The following LNPK variants were observed in gnomAD, a reference collection of about 807,000 sequenced individuals.
The protein encoded by LNPK is endoplasmic reticulum junction formation protein lunapark.
Under a neutral mutation model 55.2 loss-of-function variants are expected in LNPK, and 29 were observed. The ratio of observed to expected loss-of-function variants is 0.53; its 90% confidence interval spans 0.39 to 0.72. The LOEUF (loss-of-function observed/expected upper bound fraction) is 0.72, where lower values mean the gene tolerates loss of function less well. LNPK is among the 30% of genes least tolerant of loss of function. LNPK has a pLI of 0.00. For missense variants in LNPK, 467 were observed against 494.8 expected (o/e 0.94, Z 0.53); for synonymous variants, 162 against 168.2 (o/e 0.96, Z 0.29).
rs1202387875 is a variant in LNPK at position 175,928,088 on chromosome 2, CAG to C, written c.*1877_*1878del. On this transcript the variant is annotated 3_prime_UTR_variant, in exon 13 of 13. Coordinates refer to ENST00000272748, the MANE Select transcript of LNPK (RefSeq NM_030650.3). Reference sequence around the variant, plus strand: ...TTATTTTTAAAAAGTTTATATTCCACAGAGTTTCAGTTTCCTATTTCCTTAAT... The same window carrying C: ...TTATTTTTAAAAAGTTTATATTCCACAGTTTCAGTTTCCTATTTCCTTAAT... 1.3e-5 allele frequency: 2 copies of C among 152,264 alleles called. No individual in the cohort carries two copies. Among genetic ancestry groups the C allele is most frequent in the East Asian group, 1.9e-4 (1 of 5,182 alleles). 9.4% of individuals were successfully genotyped at this position (152,264 alleles called of 1,614,324 possible).
Position 175,929,028 on chromosome 2 carries a change from A to G in LNPK, c.*939T>C. On this transcript the variant is annotated 3_prime_UTR_variant, in exon 13 of 13. Transcript: ENST00000272748. The stretch of plus-strand genomic sequence containing the variant: ...TAAGCAGAATCTACAGATTTATTGT[A>G]TTGTGAGCTATTCCTCCTAAGATTT... 1.5e-6 allele frequency: 1 copy of G among 678,822 alleles called. No individual in the cohort carries two copies. 42.0% of individuals were successfully genotyped at this position (678,822 alleles called of 1,614,324 possible).
In LNPK at chr2:175,928,497, C is replaced by T. The variant is rs977106108; in HGVS notation, c.*1470G>A. On this transcript the variant is annotated 3_prime_UTR_variant, in exon 13 of 13. Transcript: ENST00000272748. ...TATACCGGATGTCCCAGACTGTTAACAGATTGAGTTCCAAAAAAAAAAAAA... is the reference window on the plus strand; with the variant it reads ...TATACCGGATGTCCCAGACTGTTAATAGATTGAGTTCCAAAAAAAAAAAAA... 1.0e-5 allele frequency: 1 copy of T among 97,470 alleles called. No homozygotes were observed. The highest frequency in any genetic ancestry group is 1.9e-5 in the Non-Finnish European group (1 of 52,586). 6.0% of individuals were successfully genotyped at this position (97,470 alleles called of 1,614,324 possible).
chr2:175,958,573 C>T (rs1685819780), intron 8 of LNPK, among the ~76,000 whole-genome samples: 1 of 152,212 alleles, frequency 6.6e-6, no homozygotes, highest in South Asian at 2.1e-4. Flanking sequence ...AGGTCACCAT[C>T]ATCAAATACC....
Position 175,964,488 on chromosome 2 carries a change from G to A in LNPK, c.441+18C>T. The A allele has an allele frequency of 6.3e-7, 1 of 1,582,632 alleles. No homozygotes were observed. Among genetic ancestry groups the A allele is most frequent in the South Asian group, 1.1e-5 (1 of 90,402 alleles). On this transcript the variant is annotated intron_variant, in intron 7 of 12. Transcript: ENST00000272748. ...ATGTGTAATTTATAATAAAATAGTA[G>A]TGATATCACAGTCTTACCTTTGCTT...
At chr2:175,972,688 AT>A (rs1206940674) in intron 5 of LNPK, among the ~76,000 whole-genome samples, 2 of 152,140 alleles carry the variant, frequency 1.3e-5, no homozygotes, top group African/African-American at 4.8e-5. Context: ...TACATATTTG[AT>A]TTTTTAATGT....
intron 5 of LNPK, among the ~76,000 whole-genome samples, chr2:175,978,363 G>A (rs73978125): frequency 0.16 from 24,291 of 151,938 alleles, 2,123 homozygotes; most frequent in Non-Finnish European, 0.2. Context: ...GATACTGAAG[G>A]ACAATTTCAC....
intron 8 of LNPK, among the ~76,000 whole-genome samples, chr2:175,958,290 C>CT (rs1685801322): frequency 1.3e-5 from 2 of 152,230 alleles, no homozygotes; most frequent in African/African-American, 4.8e-5. Flanking sequence ...TGTAGCCTAA[C>CT]TGGGAGACAC....
chr2:175,970,433 A>AT (rs1407801623), intron 6 of LNPK, among the ~76,000 whole-genome samples: 1 of 151,960 alleles, frequency 6.6e-6, no homozygotes, highest in Admixed American at 6.6e-5. Flanking sequence ...ACGTGGAGAT[A>AT]TTTTGTCCTT....
At chr2:175,951,597 A>ATC (rs1559040252) in intron 8 of LNPK, among the ~76,000 whole-genome samples, 2 of 113,168 alleles carry the variant, frequency 1.8e-5, no homozygotes, top group African/African-American at 3.2e-5. Flanking sequence ...ATATATATAT[A>ATC]TATATATATA....
chr2:175,933,731 G>GTTTT (rs34348423), intron 12 of LNPK, among the ~76,000 whole-genome samples: 26,000 of 121,774 alleles, frequency 0.21, 3,241 homozygotes, highest in South Asian at 0.35. Context: ...CAAGTTAAGG[G>GTTTT]TTTTTTTTTT....
chr2:176,002,204 A>G lies in LNPK; in HGVS notation c.-107T>C, dbSNP rs1164481522. On this transcript the variant is annotated 5_prime_UTR_variant, in exon 1 of 13. Coordinates refer to ENST00000272748, the MANE Select transcript of LNPK (RefSeq NM_030650.3). ...CCCGGCCCGGGCGTCCACCCCCGCCAGTCTCGGCCGCCACCGCCCAGCCTG... is the reference window on the plus strand; with the variant it reads ...CCCGGCCCGGGCGTCCACCCCCGCCGGTCTCGGCCGCCACCGCCCAGCCTG... The G allele has an allele frequency of 6.7e-6, 3 of 449,956 alleles. No individual in the cohort carries two copies. Among genetic ancestry groups the G allele is most frequent in the Admixed American group, 2.4e-5 (1 of 42,202 alleles). The allele number at this position is 449,956 out of a possible 1,614,324, so 27.9% of individuals were successfully genotyped here.
At chr2:175,993,124 A>T in intron 3 of LNPK, 58 bp downstream of exon 3, 1 of 1,065,862 alleles carries the variant, frequency 9.4e-7, no homozygotes, top group Non-Finnish European at 1.4e-6. Flanking sequence ...TATATACTAC[A>T]ATAATATTTA....
Position 175,929,751 on chromosome 2 carries a change from A to G in LNPK, c.*216T>C, listed in dbSNP as rs1684172674. ...CTGTCTCAATAGTGTGGGTCTTTGT[A>G]CATTCAAAAGGATCTTACTTCACTG... is the stretch of plus-strand genomic sequence containing the variant. On this transcript the variant is annotated 3_prime_UTR_variant, in exon 13 of 13. Transcript: ENST00000272748. 1.4e-6 allele frequency: 2 copies of G among 1,396,742 alleles called. No homozygotes were observed. The highest frequency in any genetic ancestry group is 1.9e-6 in the Non-Finnish European group (2 of 1,080,036). The allele number at this position is 1,396,742 out of a possible 1,614,324, so 86.5% of individuals were successfully genotyped here.
At chr2:175,973,577 C>T (rs562452006) in intron 5 of LNPK, among the ~76,000 whole-genome samples, 2 of 152,190 alleles carry the variant, frequency 1.3e-5, no homozygotes, top group Non-Finnish European at 2.9e-5. Context: ...TACAGTACAT[C>T]TTAGCAGATT....
intron 6 of LNPK, among the ~76,000 whole-genome samples, chr2:175,966,294 C>T (rs1217961508): frequency 2.0e-5 from 3 of 152,272 alleles, no homozygotes; most frequent in Middle Eastern, 3.4e-3. Context: ...GAACTCTTGG[C>T]CTCAAGTGAT....
intron 8 of LNPK, among the ~76,000 whole-genome samples, chr2:175,962,335 G>A (rs991642872): frequency 2.0e-5 from 3 of 152,104 alleles, no homozygotes; most frequent in Admixed American, 2.0e-4. Flanking sequence ...AAAACAGCAT[G>A]GTACTCGTAC....
intron 8 of LNPK, among the ~76,000 whole-genome samples, chr2:175,951,257 G>C (rs1685382552): frequency 6.6e-6 from 1 of 151,968 alleles, no homozygotes; most frequent in Admixed American, 6.6e-5. Flanking sequence ...TGAGGAACAG[G>C]TGGTGTTCGG....
At chr2:175,960,622 C>T (rs866709112) in intron 8 of LNPK, among the ~76,000 whole-genome samples, 16 of 151,932 alleles carry the variant, frequency 1.1e-4, no homozygotes, top group African/African-American at 3.1e-4. Flanking sequence ...GATCTAAAAT[C>T]GACACGCTAA....
intron 8 of LNPK, among the ~76,000 whole-genome samples, chr2:175,959,816 T>C (rs1190970345): frequency 6.6e-6 from 1 of 151,632 alleles, no homozygotes; most frequent in Non-Finnish European, 1.5e-5. Context: ...AGGAAACCCA[T>C]CTCATGTGCA....
Sources: gnomAD v4.1 joint callset for allele counts (sites outside exome capture counted in the v4.1 genomes callset) on GRCh38, gnomAD v4.1.1 for gene constraint, MANE v1.5 for transcripts, NCBI Gene and HGNC (gene_info 2026-07-23, HGNC 2026-07-21) for gene names.